RBFOX1: variants seen among roughly 807,000 people sequenced by gnomAD.
The protein encoded by RBFOX1 is RNA binding protein fox-1 homolog 1.
A neutral mutation model predicts 57.7 loss-of-function variants in RBFOX1; 8 were observed. The ratio of observed to expected loss-of-function variants is 0.14; its 90% CI spans 0.08 to 0.25. The LOEUF (loss-of-function observed/expected upper bound fraction) is 0.25. Ranked by LOEUF, RBFOX1 falls within the 10% of genes least tolerant of loss-of-function variation. RBFOX1 has a pLI of 1.00. For missense variants in RBFOX1, 611 were observed against 548.5 expected (o/e 1.11, Z -1.14); for synonymous variants, 326 against 222.4 (o/e 1.47, Z -4.15).
At chr16:7,130,188 C>T (rs565057498) in intron 4 of RBFOX1, among the ~76,000 whole-genome samples, 3 of 152,050 alleles carry the variant, frequency 2.0e-5, no homozygotes, top group African/African-American at 4.8e-5. Flanking sequence ...CACGTGCCAC[C>T]ATGCCCAGCT....
chr16:7,303,834 C>G (rs983207992), intron 4 of RBFOX1, among the ~76,000 whole-genome samples: 2 of 151,078 alleles, frequency 1.3e-5, no homozygotes, highest in South Asian at 2.1e-4. Context: ...CCGTCCCACC[C>G]CTTCCTCCTC....
At chr16:5,712,946 C>T (rs1337361800) in intron 3 of RBFOX1, among the ~76,000 whole-genome samples, 1 of 149,816 alleles carries the variant, frequency 6.7e-6, no homozygotes, top group East Asian at 2.0e-4. Context: ...GCTCCAAATG[C>T]TGTATCATGA....
intron 2 of RBFOX1, among the ~76,000 whole-genome samples, chr16:6,478,730 G>C (rs1337447412): frequency 6.6e-6 from 1 of 151,920 alleles, no homozygotes; most frequent in African/African-American, 2.4e-5. Flanking sequence ...GCCAAGGAGA[G>C]GGAGCGAGCA....
rs757066841 is a variant in RBFOX1, at chr16:7,333,040, C to T, written c.28-185107C>T. On this transcript the variant is annotated intron_variant, in intron 4 of 15. Coordinates refer to ENST00000550418, the MANE Select transcript of RBFOX1 (RefSeq NM_018723.4). ...AAGGAGTTCTCCTGCATCCTTATGGCGTGCCTATGATTGTACCGGCAGCTC... is the reference window on the plus strand; with the variant it reads ...AAGGAGTTCTCCTGCATCCTTATGGTGTGCCTATGATTGTACCGGCAGCTC... 10 of 1,613,710 alleles carry T rather than the reference C, an allele frequency of 6.2e-6. No homozygotes were observed. Among genetic ancestry groups the T allele is most frequent in the East Asian group, 2.2e-5 (1 of 44,864 alleles).
intron 4 of RBFOX1, among the ~76,000 whole-genome samples, chr16:7,484,657 T>G (rs986575300): frequency 6.6e-6 from 1 of 152,138 alleles, no homozygotes; most frequent in Non-Finnish European, 1.5e-5. Flanking sequence ...AGAGACAAGG[T>G]TTCACCATGT....
chr16:7,433,279 C>T (rs1020549140), intron 4 of RBFOX1, among the ~76,000 whole-genome samples: 2 of 152,178 alleles, frequency 1.3e-5, no homozygotes, highest in Non-Finnish European at 2.9e-5. Context: ...AGTAAGGGTC[C>T]AGTTCTAATT....
chr16:5,863,307 C>T (rs1393373731), intron 3 of RBFOX1, among the ~76,000 whole-genome samples: 1 of 152,196 alleles, frequency 6.6e-6, no homozygotes, highest in Non-Finnish European at 1.5e-5. Context: ...CTGGAAGTTT[C>T]CCACGTCCGT....
intron 5 of RBFOX1, among the ~76,000 whole-genome samples, chr16:7,574,731 A>C (rs12918490): frequency 0.42 from 63,883 of 151,808 alleles, 13,807 homozygotes; most frequent in East Asian, 0.53. Flanking sequence ...GCAGCACACT[A>C]ACAGACACAC....
chr16:6,653,642 T>A (rs2098618509), intron 2 of RBFOX1, among the ~76,000 whole-genome samples: 1 of 151,052 alleles, frequency 6.6e-6, no homozygotes, highest in South Asian at 2.1e-4. Flanking sequence ...GATGGATGAA[T>A]GGATGGATGG....
At chr16:7,595,407 C>T in intron 7 of RBFOX1, 142 bp from the exon 8 acceptor site, 1 of 546,616 alleles carries the variant, frequency 1.8e-6, no homozygotes, top group South Asian at 4.3e-5. Flanking sequence ...CATCTCAGTA[C>T]TCTTATAATT....
intron 4 of RBFOX1, among the ~76,000 whole-genome samples, chr16:7,162,913 G>C (rs1406092521): frequency 6.6e-6 from 1 of 152,170 alleles, no homozygotes; most frequent in Admixed American, 6.5e-5. Flanking sequence ...TTGAAATGAA[G>C]ACATGTGGGT....
chr16:7,020,507 C>G (rs577465869), intron 3 of RBFOX1, among the ~76,000 whole-genome samples: 1 of 152,238 alleles, frequency 6.6e-6, no homozygotes, highest in African/African-American at 2.4e-5. Context: ...GCGTCAGCCA[C>G]CGCGCCCAGC....
chr16:5,352,682 C>G (rs1004589526), intron 1 of RBFOX1, among the ~76,000 whole-genome samples: 7 of 152,152 alleles, frequency 4.6e-5, no homozygotes, highest in African/African-American at 1.2e-4. Context: ...GTGGCTCATA[C>G]TTGTAATTCC....
At chr16:6,911,575 A>G (rs541342514) in intron 3 of RBFOX1, among the ~76,000 whole-genome samples, 1 of 152,124 alleles carries the variant, frequency 6.6e-6, no homozygotes, top group East Asian at 1.9e-4. Flanking sequence ...ACCCATAATG[A>G]CTTAATTTTG....
intron 3 of RBFOX1, among the ~76,000 whole-genome samples, chr16:6,761,177 C>T (rs1361745716): frequency 6.6e-6 from 1 of 152,064 alleles, no homozygotes. Context: ...TGAATCTGTA[C>T]TTTATTTTAG....
chr16:6,671,277 G>C (rs534631620), intron 3 of RBFOX1, among the ~76,000 whole-genome samples: 12 of 152,256 alleles, frequency 7.9e-5, no homozygotes, highest in Admixed American at 1.3e-4. Flanking sequence ...GAACATGATA[G>C]AGTATTATGC....
intron 11 of RBFOX1, among the ~76,000 whole-genome samples, chr16:7,641,866 C>T (rs1030149622): frequency 2.0e-5 from 3 of 152,182 alleles, no homozygotes; most frequent in Admixed American, 6.5e-5. Flanking sequence ...GATTGTTGTG[C>T]AGCGTCCTCC....
intron 2 of RBFOX1, among the ~76,000 whole-genome samples, chr16:5,587,098 T>C (rs10492834): frequency 0.35 from 52,677 of 152,064 alleles, 13,151 homozygotes; most frequent in African/African-American, 0.7. Flanking sequence ...CCATTGGTTA[T>C]GCACCTGAAA....
chr16:5,774,903 G>A (rs541167943), intron 3 of RBFOX1, among the ~76,000 whole-genome samples: 32 of 152,166 alleles, frequency 2.1e-4, no homozygotes, highest in African/African-American at 7.2e-4. Flanking sequence ...GGCTGGTCTC[G>A]AACTCCTGAC....
Sources: allele counts gnomAD v4.1 joint callset (sites outside exome capture counted in the v4.1 genomes callset), GRCh38; gene constraint gnomAD v4.1.1; transcripts MANE v1.5; gene names NCBI Gene and HGNC (gene_info 2026-07-23, HGNC 2026-07-21).